The following LDB2 variants were observed in gnomAD, a reference collection of about 807,000 sequenced individuals.
The protein encoded by LDB2 is LIM domain-binding protein 2.
LDB2 carries 12 observed loss-of-function variants against 44.3 expected under a neutral mutation model. The observed-to-expected ratio is 0.27, with a 90% CI of 0.17 to 0.44. The LOEUF is 0.44. LDB2 is among the 20% of genes least tolerant of loss of function. The probability of loss-of-function intolerance (pLI) is 1.00; values close to 1 mark genes in which losing one functional copy is unlikely to be tolerated. For synonymous variants in LDB2, 164 were observed against 174.8 expected (o/e 0.94, Z 0.49); for missense variants, 344 against 473.5 (o/e 0.73, Z 2.54).
chr4:16,897,955 T>A (rs1233674362), intron 1 of LDB2, among the ~76,000 whole-genome samples: 2,562 of 63,832 alleles, frequency 0.04, 176 homozygotes, highest in Admixed American at 0.056. Context: ...TGTATATATA[T>A]ATATATATAT....
chr4:16,853,922 T>C (rs530820501), intron 1 of LDB2, among the ~76,000 whole-genome samples: 82 of 152,256 alleles, frequency 5.4e-4, no homozygotes, highest in Non-Finnish European at 2.9e-5. Context: ...GAAATCTTTT[T>C]TAAAAAATTT....
intron 1 of LDB2, among the ~76,000 whole-genome samples, chr4:16,892,495 T>C (rs146740634): frequency 1.8e-4 from 28 of 152,366 alleles, no homozygotes; most frequent in African/African-American, 6.7e-4. Flanking sequence ...GTATTTGTAG[T>C]ATCTACATCC....
chr4:16,545,798 T>C (rs1735538623), intron 5 of LDB2, among the ~76,000 whole-genome samples: 1 of 152,238 alleles, frequency 6.6e-6, no homozygotes, highest in Admixed American at 6.5e-5. Context: ...CAGCCATCTT[T>C]ACGCAAGAAT....
At chr4:16,623,994 T>G (rs1332374278) in intron 2 of LDB2, among the ~76,000 whole-genome samples, 5 of 152,182 alleles carry the variant, frequency 3.3e-5, no homozygotes. Context: ...CAGCCTCTCC[T>G]TGCCACCTCC....
At chr4:16,845,143 A>C (rs1425510686) in intron 1 of LDB2, among the ~76,000 whole-genome samples, 1 of 152,168 alleles carries the variant, frequency 6.6e-6, no homozygotes, top group East Asian at 1.9e-4. Context: ...AGGCTGCACA[A>C]GGTCAGTGGC....
chr4:16,884,088 CAG>C (rs1720956685), intron 1 of LDB2, among the ~76,000 whole-genome samples: 1 of 152,148 alleles, frequency 6.6e-6, no homozygotes, highest in African/African-American at 2.4e-5. Context: ...ACAAAGGGAT[CAG>C]AGTGTTCTTG....
intron 1 of LDB2, among the ~76,000 whole-genome samples, chr4:16,859,164 CA>C: frequency 6.6e-6 from 1 of 152,158 alleles, no homozygotes; most frequent in Non-Finnish European, 1.5e-5. Context: ...ATCACACTAC[CA>C]ATAAGTCATG....
At chr4:16,717,333 A>G (rs182818497) in intron 2 of LDB2, among the ~76,000 whole-genome samples, 2 of 152,244 alleles carry the variant, frequency 1.3e-5, no homozygotes, top group Admixed American at 1.3e-4. Context: ...GGCCTGGTTA[A>G]TTGGGTAGTA....
intron 1 of LDB2, among the ~76,000 whole-genome samples, chr4:16,831,229 C>T (rs908372284): frequency 4.5e-4 from 61 of 135,574 alleles, no homozygotes; most frequent in African/African-American, 1.3e-3. Context: ...GAAGACTGAA[C>T]TTCTTTTAGG....
At chr4:16,567,387 CGTGTGTGCATGCGT>C (rs1364486745) in intron 5 of LDB2, among the ~76,000 whole-genome samples, 1,455 of 14,914 alleles carry the variant, frequency 0.098, 24 homozygotes, top group African/African-American at 0.15. Context: ...TGTGTGTGCG[CGTGTGTGCATGCGT>C]GTGTGTGCAT....
intron 2 of LDB2, among the ~76,000 whole-genome samples, chr4:16,694,577 G>T (rs558727725): frequency 4.6e-5 from 7 of 152,230 alleles, no homozygotes; most frequent in Non-Finnish European, 8.8e-5. Flanking sequence ...CCCACCTCCT[G>T]CAAGGCCTTC....
intron 1 of LDB2, among the ~76,000 whole-genome samples, chr4:16,862,474 A>C (rs1050922738): frequency 6.6e-6 from 1 of 151,798 alleles, no homozygotes; most frequent in Non-Finnish European, 1.5e-5. Context: ...TCTCTACTAA[A>C]AATACAATAT....
At chr4:16,558,560 T>G (rs1740722466) in intron 5 of LDB2, among the ~76,000 whole-genome samples, 1 of 152,054 alleles carries the variant, frequency 6.6e-6, no homozygotes, top group Non-Finnish European at 1.5e-5. Context: ...TGGCACTATG[T>G]GAAAAGACCA....
chr4:16,568,137 T>C (rs1745209736), intron 5 of LDB2, among the ~76,000 whole-genome samples: 1 of 152,194 alleles, frequency 6.6e-6, no homozygotes, highest in South Asian at 2.1e-4. Flanking sequence ...AATCCAATAT[T>C]ATTTTTGTCT....
At chr4:16,610,953 G>A (rs1339293649) in intron 2 of LDB2, among the ~76,000 whole-genome samples, 2 of 152,064 alleles carry the variant, frequency 1.3e-5, no homozygotes, top group East Asian at 1.9e-4. Flanking sequence ...AACTGTTAAG[G>A]GCAGCCAGAG....
chr4:16,772,559 T>C (rs1445867895), intron 1 of LDB2, among the ~76,000 whole-genome samples: 1 of 152,246 alleles, frequency 6.6e-6, no homozygotes, highest in Non-Finnish European at 1.5e-5. Context: ...TTATTCACTT[T>C]AATGTTTTAA....
At chr4:16,862,823 G>C (rs2314213) in intron 1 of LDB2, among the ~76,000 whole-genome samples, 93,531 of 151,794 alleles carry the variant, frequency 0.62, 29,387 homozygotes, top group East Asian at 0.85. Flanking sequence ...GAGATGGGAA[G>C]AAAGCCACAG....
At chr4:16,828,529 G>A (rs1235329642) in intron 1 of LDB2, among the ~76,000 whole-genome samples, 1 of 152,128 alleles carries the variant, frequency 6.6e-6, no homozygotes, top group African/African-American at 2.4e-5. Flanking sequence ...CAGTCCATGA[G>A]CACAGTTTCA....
chr4:16,721,842 T>C (rs1471671368), intron 2 of LDB2, among the ~76,000 whole-genome samples: 1 of 152,222 alleles, frequency 6.6e-6, no homozygotes. Flanking sequence ...CAGTGATGTT[T>C]GTCAAATGCT....
Sources: allele counts gnomAD v4.1 joint callset (sites outside exome capture counted in the v4.1 genomes callset), GRCh38; gene constraint gnomAD v4.1.1; transcripts MANE v1.5; gene names NCBI Gene and HGNC (gene_info 2026-07-23, HGNC 2026-07-21).